Variants in LZTFL1 observed in about 807,000 individuals in gnomAD.
The protein encoded by LZTFL1 is leucine zipper transcription factor like 1.
Under a neutral mutation model 45.9 loss-of-function variants are expected in LZTFL1, and 25 were observed. The observed-to-expected ratio is 0.54, with a 90% confidence interval of 0.40 to 0.76. The LOEUF (loss-of-function observed/expected upper bound fraction) is 0.76. Among genes scored for constraint, LZTFL1 ranks in the 30% least tolerant of loss-of-function variants. The probability of loss-of-function intolerance (pLI) is 0.00; values close to 1 mark genes in which losing one functional copy is unlikely to be tolerated. For synonymous variants in LZTFL1, 93 were observed against 117.4 expected, an observed-to-expected ratio of 0.79 and a Z score of 1.35; for missense variants, 277 against 331.1, an observed-to-expected ratio of 0.84 and a Z score of 1.27.
At chr3:45,828,165 T>C (rs998827415) in intron 8 of LZTFL1, among the ~76,000 whole-genome samples, 4 of 152,146 alleles carry the variant, frequency 2.6e-5, no homozygotes, top group Admixed American at 2.6e-4. Context: ...CATGGTGGGA[T>C]GTAGGGCAGG....
At chr3:45,892,387 A>G (rs920981905) in intron 2 of LZTFL1, among the ~76,000 whole-genome samples, 1 of 152,202 alleles carries the variant, frequency 6.6e-6, no homozygotes, top group Non-Finnish European at 1.5e-5. Context: ...GCCATAAAAA[A>G]GAACAAGATC....
chr3:45,828,650 T>C (rs759876479), intron 7 of LZTFL1, 35 bp from the exon 8 acceptor site: 1 of 1,498,730 alleles, frequency 6.7e-7, no homozygotes, highest in Middle Eastern at 1.7e-4. Context: ...TAATTTCATG[T>C]TGATATTCTA....
chr3:45,839,675 G>C (rs1701054437), intron 1 of LZTFL1, among the ~76,000 whole-genome samples: 1 of 152,188 alleles, frequency 6.6e-6, no homozygotes, highest in African/African-American at 2.4e-5. Flanking sequence ...CTAGGTAGGG[G>C]GGCCTGATTT....
chr3:45,897,677 C>T, intron 2 of LZTFL1: 3 of 1,397,522 alleles, frequency 2.1e-6, no homozygotes, highest in Non-Finnish European at 2.9e-6. Flanking sequence ...CCACCTGCCC[C>T]CTCTCATTTG....
At chr3:45,915,179 A>C (rs2125777571) in intron 1 of LZTFL1, among the ~76,000 whole-genome samples, 1 of 152,198 alleles carries the variant, frequency 6.6e-6, no homozygotes, top group South Asian at 2.1e-4. Context: ...AGCTTCAGCC[A>C]CACCGACACC....
intron 2 of LZTFL1, among the ~76,000 whole-genome samples, chr3:45,881,491 C>A (rs1438759225): frequency 6.6e-6 from 1 of 152,042 alleles, no homozygotes; most frequent in Non-Finnish European, 1.5e-5. Context: ...AGGGTGCGGG[C>A]CCCCTCCTCC....
intron 2 of LZTFL1, among the ~76,000 whole-genome samples, chr3:45,880,307 G>T (rs1461519769): frequency 6.6e-6 from 1 of 152,100 alleles, no homozygotes; most frequent in Non-Finnish European, 1.5e-5. Flanking sequence ...TTTGAAACCA[G>T]CCTGGCCCAC....
At chr3:45,870,124 C>T (rs974444616) in intron 2 of LZTFL1, among the ~76,000 whole-genome samples, 9 of 152,210 alleles carry the variant, frequency 5.9e-5, no homozygotes, top group Non-Finnish European at 8.8e-5. Flanking sequence ...CTCTCCAGTG[C>T]CCGCTCTCAA....
At chr3:45,868,961 C>T (rs1039060462) in intron 2 of LZTFL1, among the ~76,000 whole-genome samples, 2 of 152,186 alleles carry the variant, frequency 1.3e-5, no homozygotes, top group African/African-American at 2.4e-5. Flanking sequence ...CCACCCCAGA[C>T]CTACTGACTC....
intron 2 of LZTFL1, among the ~76,000 whole-genome samples, chr3:45,898,884 T>C (rs571811343): frequency 6.6e-6 from 1 of 152,354 alleles, no homozygotes; most frequent in East Asian, 1.9e-4. Flanking sequence ...AAACAAGTTC[T>C]GGGCCGGGCA....
chr3:45,912,351 C>T (rs1356300764), intron 2 of LZTFL1, among the ~76,000 whole-genome samples: 1 of 152,236 alleles, frequency 6.6e-6, no homozygotes, highest in Non-Finnish European at 1.5e-5. Context: ...CTACCCCTCA[C>T]TGTCCCTGTG....
At position 45,900,911 on chromosome 3, in the gene LZTFL1, C is replaced by A; in HGVS notation, c.-215+12209G>T. ...TCACTGACTTCTACTGTGAGAAAAA[C>A]AATGTCAGGCAGTTTGCGAGCCATT... On this transcript the variant is annotated intron_variant, in intron 2 of 4. Transcript: ENST00000472635. This position sits in a 1 kb window ranked among gnomAD's most constrained non-coding sequence, Gnocchi z 4.7. The A allele has an allele frequency of 6.2e-7, 1 of 1,614,176 alleles. No individual in the cohort carries two copies. Among genetic ancestry groups the A allele is most frequent in the Non-Finnish European group, 8.5e-7 (1 of 1,180,028 alleles).
chr3:45,903,556 C>T (rs1465729776), intron 2 of LZTFL1, among the ~76,000 whole-genome samples: 3 of 152,216 alleles, frequency 2.0e-5, no homozygotes, highest in Non-Finnish European at 4.4e-5. Context: ...ATTCCAACGC[C>T]ATCCCTTTCC....
At chr3:45,885,162 C>T (rs1207092000) in intron 2 of LZTFL1, among the ~76,000 whole-genome samples, 1 of 152,194 alleles carries the variant, frequency 6.6e-6, no homozygotes, top group Non-Finnish European at 1.5e-5. Context: ...AGGGGACATG[C>T]GCCTGGGAGT....
At chr3:45,883,104 A>G (rs1701891090) in intron 2 of LZTFL1, among the ~76,000 whole-genome samples, 1 of 152,196 alleles carries the variant, frequency 6.6e-6, no homozygotes, top group African/African-American at 2.4e-5. Context: ...ATAATGTGAG[A>G]TATCAGCATT....
chr3:45,885,220 C>A (rs1413608292), intron 2 of LZTFL1, among the ~76,000 whole-genome samples: 1 of 152,106 alleles, frequency 6.6e-6, no homozygotes, highest in Non-Finnish European at 1.5e-5. Flanking sequence ...AATCAATACA[C>A]CAAGAGGTGG....
intron 2 of LZTFL1, among the ~76,000 whole-genome samples, chr3:45,890,649 C>T (rs774808632): frequency 5.9e-5 from 9 of 151,858 alleles, no homozygotes; most frequent in Non-Finnish European, 1.2e-4. Flanking sequence ...ATGTCAGAAC[C>T]GTTCAGAAAT....
intron 2 of LZTFL1, among the ~76,000 whole-genome samples, chr3:45,871,700 T>C (rs1185696151): frequency 6.6e-6 from 1 of 151,850 alleles, no homozygotes; most frequent in Non-Finnish European, 1.5e-5. Flanking sequence ...AGAGTGACGC[T>C]AACACCCACA....
intron 2 of LZTFL1, among the ~76,000 whole-genome samples, chr3:45,865,555 A>C (rs554965290): frequency 6.6e-5 from 10 of 152,384 alleles, no homozygotes; most frequent in African/African-American, 2.4e-4. Context: ...CGAACTAGGA[A>C]AGGGATGGAA....
Sources: gnomAD v4.1 joint callset for allele counts (sites outside exome capture counted in the v4.1 genomes callset) on GRCh38, gnomAD v4.1.1 for gene constraint, Gnocchi (gnomAD v3.1) non-coding constraint, MANE v1.5 for transcripts, NCBI Gene and HGNC (gene_info 2026-07-23, HGNC 2026-07-21) for gene names.